The following RBM20 variants were observed in gnomAD, a reference collection of about 807,000 sequenced individuals.
RBM20 encodes RNA binding motif protein 20.
Under a neutral mutation model 110.1 loss-of-function variants are expected in RBM20, and 51 were observed. The ratio of observed to expected loss-of-function variants is 0.46; its 90% CI spans 0.37 to 0.59. The LOEUF (loss-of-function observed/expected upper bound fraction) is 0.59, where lower values mean the gene tolerates loss of function less well. Among genes scored for constraint, RBM20 ranks in the 20% least tolerant of loss-of-function variants. The pLI is 0.00. For synonymous variants in RBM20, 589 were observed against 618.2 expected (o/e 0.95, Z 0.70); for missense variants, 1,512 against 1,574.9 (o/e 0.96, Z 0.68).
chr10:110,662,891 A>G (rs56324229), intron 1 of RBM20, among the ~76,000 whole-genome samples: 33,750 of 152,058 alleles, frequency 0.22, 4,698 homozygotes, highest in Middle Eastern at 0.34. Flanking sequence ...TACATTGGAC[A>G]TCCCTCAAAT....
intron 4 of RBM20, 37 bp from the exon 5 acceptor site, chr10:110,784,755 C>A: frequency 7.5e-7 from 1 of 1,332,640 alleles, no homozygotes; most frequent in South Asian, 1.3e-5. Flanking sequence ...ATGTTACATT[C>A]TGGGTTTTCA....
intron 13 of RBM20, 72 bp downstream of exon 13, chr10:110,831,254 G>A (rs367718300): frequency 3.3e-5 from 50 of 1,500,368 alleles, no homozygotes; most frequent in Middle Eastern, 1.9e-4. Flanking sequence ...GGTGTCTGGC[G>A]TCCTTGGCCT....
intron 1 of RBM20, among the ~76,000 whole-genome samples, chr10:110,699,350 T>C (rs10787269): frequency 0.7 from 104,892 of 149,696 alleles, 37,145 homozygotes; most frequent in East Asian, 1. Flanking sequence ...CTCACTGCAA[T>C]GTTTGCCTCC....
chr10:110,690,341 G>C (rs1417501357), intron 1 of RBM20, among the ~76,000 whole-genome samples: 1 of 152,140 alleles, frequency 6.6e-6, no homozygotes, highest in African/African-American at 2.4e-5. Context: ...AGGAATTTGA[G>C]GTTGCAGTGA....
chr10:110,827,498 A>G (rs1011348065), intron 12 of RBM20, among the ~76,000 whole-genome samples: 1 of 152,170 alleles, frequency 6.6e-6, no homozygotes, highest in African/African-American at 2.4e-5. Flanking sequence ...GAAAGGCTAC[A>G]TTTGTGCAGA....
chr10:110,784,323 C>G lies in RBM20; in HGVS notation c.1338-18C>G. 6.5e-7 allele frequency: 1 copy of G among 1,538,432 alleles called. No individual in the cohort carries two copies. Among genetic ancestry groups the G allele is most frequent in the Non-Finnish European group, 8.8e-7 (1 of 1,135,782 alleles). ...TTAACTTATTAAGGAGCCGGTTTCC[C>G]TTTCTCGCCCTCTCCAGTGCTGGCA... is the stretch of plus-strand genomic sequence containing the variant. On this transcript the variant is annotated intron_variant, in intron 3 of 13. Coordinates refer to ENST00000369519, the MANE Select transcript of RBM20 (RefSeq NM_001134363.3).
At chr10:110,649,556 A>C (rs1352651033) in intron 1 of RBM20, among the ~76,000 whole-genome samples, 1 of 152,206 alleles carries the variant, frequency 6.6e-6, no homozygotes, top group African/African-American at 2.4e-5. Flanking sequence ...CCTGCCAGAC[A>C]AAAGCTTGAA....
At chr10:110,758,667 T>C in intron 1 of RBM20, among the ~76,000 whole-genome samples, 1 of 152,200 alleles carries the variant, frequency 6.6e-6, no homozygotes, top group Non-Finnish European at 1.5e-5. Flanking sequence ...CTGTCTAGCA[T>C]GATAATCGCT....
intron 1 of RBM20, among the ~76,000 whole-genome samples, chr10:110,746,799 T>C (rs1354670343): frequency 6.6e-6 from 1 of 152,238 alleles, no homozygotes; most frequent in Non-Finnish European, 1.5e-5. Flanking sequence ...ATGCTGCAAA[T>C]ATCATCCCAT....
At chr10:110,782,227 T>C (rs1392528681) in intron 2 of RBM20, among the ~76,000 whole-genome samples, 1 of 152,186 alleles carries the variant, frequency 6.6e-6, no homozygotes, top group Non-Finnish European at 1.5e-5. Flanking sequence ...CCCCGTAGTA[T>C]GCCTAGAATC....
At position 110,765,367 on chromosome 10, in the gene RBM20, G is replaced by A. The variant is rs150078352; in HGVS notation, c.192-15434G>A. Among the ~76,000 whole-genome samples the A allele has an allele frequency of 2.6e-3, 395 of 152,054 alleles. 2 individuals carry two copies. The Middle Eastern group carries it at 0.031, about 12-fold the overall frequency. ...CATTCTGGACCAGGAGGGGAGTGCCGTGTTAAAATTCATGAGCAGGGGATA... is the reference window on the plus strand; with the variant it reads ...CATTCTGGACCAGGAGGGGAGTGCCATGTTAAAATTCATGAGCAGGGGATA... On this transcript the variant is annotated intron_variant, in intron 1 of 13. Transcript: ENST00000369519.
intron 1 of RBM20, among the ~76,000 whole-genome samples, chr10:110,772,800 G>A (rs997609937): frequency 5.9e-5 from 9 of 152,218 alleles, no homozygotes; most frequent in African/African-American, 1.9e-4. Flanking sequence ...CAATGATAAT[G>A]ATAGTTAATA....
At position 110,826,245 on chromosome 10, in the gene RBM20, C is replaced by T. The variant is rs137891785; in HGVS notation, c.3451+2631C>T. ...TAGTATCTCACCTTTTTAAAATTGG[C>T]TCTATTGAGTTATAATGGATATAAA... On this transcript the variant is annotated intron_variant, in intron 12 of 13. Coordinates refer to ENST00000369519, the MANE Select transcript of RBM20 (RefSeq NM_001134363.3). 3.0e-3 allele frequency among the ~76,000 whole-genome samples: 454 copies of T among 152,182 alleles called. 2 individuals carry two copies. Among genetic ancestry groups the T allele is most frequent in the African/African-American group, 0.011 (438 of 41,504 alleles).
At position 110,815,813 on chromosome 10, in the gene RBM20, T is replaced by C. The variant is rs577601343; in HGVS notation, c.2550+2866T>C. Among the ~76,000 whole-genome samples the C allele has an allele frequency of 4.6e-5, 7 of 152,260 alleles. No individual in the cohort carries two copies. The South Asian group carries it at 1.5e-3, about 32-fold the overall frequency. ...AAGAATCTCAGAAAGCCCCAAGAAT[T>C]TCCCCACAGTTCTGTCCCTCAAGTT... On this transcript the variant is annotated intron_variant, in intron 9 of 13. Coordinates refer to ENST00000369519, the MANE Select transcript of RBM20 (RefSeq NM_001134363.3).
At position 110,744,411 on chromosome 10, in the gene RBM20, G is replaced by A. The variant is rs543560553; in HGVS notation, c.192-36390G>A. ...TGTGGCTGGGAAACGCCACTACCAA[G>A]GTGATGAAAGGTGAAGGTGGGTTGA... On this transcript the variant is annotated intron_variant, in intron 1 of 13. Coordinates refer to ENST00000369519, the MANE Select transcript of RBM20 (RefSeq NM_001134363.3). Among the ~76,000 whole-genome samples, 43 of 152,286 alleles carry A rather than the reference G, an allele frequency of 2.8e-4. No homozygotes were observed. In the South Asian group the frequency reaches 8.7e-3, roughly 31 times the overall value.
In RBM20 at chr10:110,792,387, G is replaced by C. The variant is rs1844495991; in HGVS notation, c.1528-5121G>C. Among the ~76,000 whole-genome samples, 3 of 152,106 alleles carry C rather than the reference G, an allele frequency of 2.0e-5. No individual in the cohort carries two copies. The South Asian group carries it at 6.2e-4, about 32-fold the overall frequency. On this transcript the variant is annotated intron_variant, in intron 5 of 13. Transcript: ENST00000369519. ...TCCTTTAACTGTTGGGTGGAGGAAG[G>C]AGATAAACATTATTTACAGGAGCCT... is the stretch of plus-strand genomic sequence containing the variant.
chr10:110,799,654 A>G (rs577569852), intron 6 of RBM20, 133 bp from the exon 7 acceptor site: 9 of 835,008 alleles, frequency 1.1e-5, no homozygotes, highest in South Asian at 2.1e-5. Context: ...GAGAAGCTCA[A>G]TGCTAACTCC....
chr10:110,755,304 T>G (rs1843908145), intron 1 of RBM20, among the ~76,000 whole-genome samples: 1 of 152,188 alleles, frequency 6.6e-6, no homozygotes. Flanking sequence ...CTTACCCCTT[T>G]GATGTCTGCA....
chr10:110,698,736 T>C (rs4918563), intron 1 of RBM20, among the ~76,000 whole-genome samples: 25,733 of 152,168 alleles, frequency 0.17, 2,462 homozygotes, highest in East Asian at 0.31. Flanking sequence ...AGTTCCTCAG[T>C]GATACAGATT....
Sources: gnomAD v4.1 joint callset for allele counts (sites outside exome capture counted in the v4.1 genomes callset) on GRCh38, gnomAD v4.1.1 for gene constraint, MANE v1.5 for transcripts, NCBI Gene and HGNC (gene_info 2026-07-23, HGNC 2026-07-21) for gene names.